MACF1: variants seen among roughly 807,000 people sequenced by gnomAD.
The protein encoded by MACF1 is microtubule actin crosslinking factor 1, also known as microtubule-actin cross-linking factor 1.
Under a neutral mutation model 854.8 loss-of-function variants are expected in MACF1, and 193 were observed. The ratio of observed to expected loss-of-function variants is 0.23; its 90% CI spans 0.20 to 0.25. The LOEUF (loss-of-function observed/expected upper bound fraction) is 0.25. Among genes scored for constraint, MACF1 ranks in the 10% least tolerant of loss-of-function variants. The pLI is 1.00. For synonymous variants in MACF1, 3,185 were observed against 3,226.7 expected, an observed-to-expected ratio of 0.99 and a Z score of 0.44; for missense variants, 7,722 against 8,929.1, an observed-to-expected ratio of 0.86 and a Z score of 5.45.
At chr1:39,137,967 G>C (rs984608924) in intron 2 of MACF1, among the ~76,000 whole-genome samples, 1 of 151,360 alleles carries the variant, frequency 6.6e-6, no homozygotes, top group South Asian at 2.1e-4. Context: ...CCAGCTACTA[G>C]GGAGGCTGAG....
intron 2 of MACF1, among the ~76,000 whole-genome samples, chr1:39,096,183 C>CAAAAA (rs35710100): frequency 8.5e-6 from 1 of 117,432 alleles, no homozygotes. Flanking sequence ...GACCCTGTCT[C>CAAAAA]AAAAAAAAAA....
intron 28 of MACF1, 79 bp from the exon 29 acceptor site, chr1:39,317,135 G>T: frequency 7.2e-7 from 1 of 1,386,910 alleles, no homozygotes. Flanking sequence ...TGTAGACCGT[G>T]TCCTTGTTTC....
intron 97 of MACF1, among the ~76,000 whole-genome samples, chr1:39,474,029 A>G (rs2995514): frequency 0.94 from 143,762 of 152,178 alleles, 67,970 homozygotes; most frequent in East Asian, 1. Flanking sequence ...CTAGTAGGGA[A>G]GATCACTTCA....
intron 28 of MACF1, 132 bp downstream of exon 28, chr1:39,316,661 A>G (rs878873881): frequency 7.6e-6 from 6 of 788,050 alleles, no homozygotes; most frequent in Admixed American, 3.1e-5. Flanking sequence ...GTCATTAAAT[A>G]TATTTTAATA....
At chr1:39,350,349 A>C (rs1035921484) in intron 42 of MACF1, among the ~76,000 whole-genome samples, 1 of 152,030 alleles carries the variant, frequency 6.6e-6, no homozygotes, top group South Asian at 2.1e-4. Context: ...TGCAAAAAAC[A>C]AGAGGAAAAT....
chr1:39,209,674 T>C (rs1285623997), intron 1 of MACF1, among the ~76,000 whole-genome samples: 1 of 152,194 alleles, frequency 6.6e-6, no homozygotes, highest in East Asian at 1.9e-4. Context: ...TATCATACTA[T>C]TGGGTTATAT....
intron 3 of MACF1, among the ~76,000 whole-genome samples, chr1:39,251,172 CT>C (rs80269109): frequency 6.0e-5 from 9 of 151,098 alleles, no homozygotes; most frequent in African/African-American, 9.7e-5. Context: ...GGTTTCGTAT[CT>C]TTTTTTTTGC....
intron 6 of MACF1, among the ~76,000 whole-genome samples, chr1:39,280,414 C>T (rs933353534): frequency 6.6e-6 from 1 of 152,124 alleles, no homozygotes; most frequent in African/African-American, 2.4e-5. Context: ...CTTGACACGT[C>T]CAGTGGCGAG....
intron 23 of MACF1, chr1:39,304,606 C>T (rs4660637): frequency 0.19 from 118,358 of 632,618 alleles, 12,395 homozygotes; most frequent in Non-Finnish European, 0.22. Flanking sequence ...CTCTGTCGCT[C>T]AGGCTGGAGT....
Position 39,361,349 on chromosome 1 carries a change from C to T in MACF1, c.12454-11C>T, listed in dbSNP as rs1648177244. ...TGAACCAGGAGCTGACAGACGTGTT[C>T]TTCATGACAGAAATTGAAGCAGGAC... On this transcript the variant is annotated splice_polypyrimidine_tract_variant and intron_variant, in intron 48 of 100. Transcript: ENST00000564288. 3.7e-6 allele frequency: 6 copies of T among 1,610,118 alleles called. No homozygotes were observed. Among genetic ancestry groups the T allele is most frequent in the Non-Finnish European group, 5.1e-6 (6 of 1,177,162 alleles).
Position 39,387,864 on chromosome 1 carries a change from A to T in MACF1, c.15022A>T (p.Met5008Leu), listed in dbSNP as rs1045754118. ...LQAKTGSLEE[M>L]TQRLREFQES... Reference sequence around the variant, plus strand: ...GGCCAAAACAGGGTCACTCGAAGAAATGACTCAGAGGCTCAGGGAGTTCCA... The same window carrying T: ...GGCCAAAACAGGGTCACTCGAAGAATTGACTCAGAGGCTCAGGGAGTTCCA... Residue 5008 changes from methionine (M) to leucine (L), a missense_variant, in exon 58 of 101, where the codon ATG becomes TTG. Transcript: ENST00000564288. The T allele has an allele frequency of 1.2e-6, 2 of 1,614,066 alleles. No individual in the cohort carries two copies. The highest frequency in any genetic ancestry group is 3.3e-5 in the Admixed American group (2 of 60,004).
chr1:39,347,258 T>C, intron 41 of MACF1, 48 bp downstream of exon 41: 1 of 1,398,160 alleles, frequency 7.2e-7, no homozygotes, highest in South Asian at 1.2e-5. Flanking sequence ...GGGGATGTCC[T>C]CTGTCATTGG....
chr1:39,410,282 G>A, intron 58 of MACF1: 1 of 1,595,768 alleles, frequency 6.3e-7, no homozygotes, highest in Non-Finnish European at 8.6e-7. Flanking sequence ...AAGCCACTCA[G>A]CAGACCAGAC....
At position 39,460,441 on chromosome 1, in the gene MACF1, C is replaced by T. The variant is rs931687536; in HGVS notation, c.21361-191C>T. On this transcript the variant is annotated intron_variant, in intron 91 of 100. Transcript: ENST00000564288. The surrounding 1 kb of genome is among the most constrained non-coding windows in gnomAD (Gnocchi z 4.1). ...CTTGCTATTCCATTATACCATAGCT[C>T]GTGTAAATAGTCATGGCTTTAAGTG... Among the ~76,000 whole-genome samples the T allele has an allele frequency of 1.1e-4, 16 of 152,114 alleles. No homozygotes were observed. The highest frequency in any genetic ancestry group is 3.6e-4 in the African/African-American group (15 of 41,418).
intron 1 of MACF1, among the ~76,000 whole-genome samples, chr1:39,224,607 GA>G (rs1164632123): frequency 6.6e-6 from 1 of 152,192 alleles, no homozygotes; most frequent in African/African-American, 2.4e-5. Context: ...GTGGGGAAGT[GA>G]AGTCTGAGTG....
Position 39,387,744 on chromosome 1 carries a change from A to C in MACF1, c.14902A>C (p.Ile4968Leu). 1 of 1,614,162 alleles carries C rather than the reference A, an allele frequency of 6.2e-7. No individual in the cohort carries two copies. The highest frequency in any genetic ancestry group is 8.5e-7 in the Non-Finnish European group (1 of 1,180,026). Residue 4968 changes from isoleucine (I) to leucine (L), a missense_variant, in exon 58 of 101, where the codon ATT becomes CTT. Ile to Leu is a conservative substitution (Grantham distance 5, BLOSUM62 2). Coordinates refer to ENST00000564288, the MANE Select transcript of MACF1 (RefSeq NM_001394062.1). ...LLEILNSAAD[I>L]LINSSEADED... ...GGAAATATTGAATAGTGCTGCTGAC[A>C]TTCTGATCAATTCTTCAGAAGCAGA...
At chr1:39,306,063 A>G (rs1210975952) in intron 23 of MACF1, among the ~76,000 whole-genome samples, 1 of 152,154 alleles carries the variant, frequency 6.6e-6, no homozygotes, top group Non-Finnish European at 1.5e-5. Flanking sequence ...TTCCTAGCAC[A>G]TAGCAGGTAT....
intron 49 of MACF1, 128 bp from the exon 50 acceptor site, chr1:39,368,020 C>A: frequency 9.0e-6 from 5 of 555,392 alleles, no homozygotes; most frequent in South Asian, 3.8e-5. Flanking sequence ...TTAAACTTTT[C>A]ACTGAGTTGC....
At chr1:39,452,922 G>C (rs1644365731) in intron 87 of MACF1, 110 bp downstream of exon 87, 1 of 1,347,682 alleles carries the variant, frequency 7.4e-7, no homozygotes, top group Non-Finnish European at 1.0e-6. Flanking sequence ...CACATGAAAA[G>C]GAACAAAACC....
Sources: allele counts gnomAD v4.1 joint callset (sites outside exome capture counted in the v4.1 genomes callset), GRCh38; gene constraint gnomAD v4.1.1; non-coding constraint Gnocchi (gnomAD v3.1); transcripts MANE v1.5; gene names NCBI Gene and HGNC (gene_info 2026-07-23, HGNC 2026-07-21).